The following SERPINA11 variants were observed in gnomAD, a reference collection of about 807,000 sequenced individuals.
The protein encoded by SERPINA11 is serpin A11.
In SERPINA11, 28 loss-of-function variants were observed where a neutral mutation model predicts 29.4. The observed-to-expected ratio is 0.95, with a 90% confidence interval of 0.70 to 1.30. The LOEUF is 1.30. Ranked by LOEUF, SERPINA11 falls within the 50% of genes most tolerant of loss-of-function variation. The pLI, the probability that SERPINA11 is intolerant of heterozygous loss-of-function variation, is 0.00. For synonymous variants in SERPINA11, 253 were observed against 206.6 expected, an observed-to-expected ratio of 1.22 and a Z score of -1.92; for missense variants, 530 against 507.3, an observed-to-expected ratio of 1.04 and a Z score of -0.43.
At position 94,449,481 on chromosome 14, in the gene SERPINA11, C is replaced by CTT. The variant is rs1566784762; in HGVS notation, c.-3-705_-3-704insAA. On this transcript the variant is annotated intron_variant, in intron 1 of 4. Transcript: ENST00000334708. ...TCTTTCTTTCTTTCTTTCTTTCTTT[C>CTT]TGTCTGTCTGTCTTTCTTTCTCTTT... is the stretch of plus-strand genomic sequence containing the variant. 8.4e-4 allele frequency among the ~76,000 whole-genome samples: 63 copies of CTT among 75,112 alleles called. 6 individuals carry two copies. The highest frequency in any genetic ancestry group is 6.5e-3 in the African/African-American group (57 of 8,710). 49.3% of individuals were successfully genotyped at this position (75,112 alleles called of 152,430 possible).
rs10133490 is a variant in SERPINA11, at chr14:94,449,568, C to T, written c.-3-791G>A. On this transcript the variant is annotated intron_variant, in intron 1 of 4. Transcript: ENST00000334708. ...CTCTTTCTCTTTCTTTCTTTCTTTC[C>T]TTCCTTCCTTCCTTCCTTCCCTCCT... Among the ~76,000 whole-genome samples the T allele has an allele frequency of 6.3e-3, 818 of 129,456 alleles. 10 individuals carry two copies. The highest frequency in any genetic ancestry group is 0.028 in the African/African-American group (786 of 28,114). 84.9% of individuals were successfully genotyped at this position (129,456 alleles called of 152,430 possible). A position where few individuals can be genotyped will look rare whatever the true frequency, so the allele number is the denominator to read the frequency against.
intron 1 of SERPINA11, among the ~76,000 whole-genome samples, chr14:94,451,696 G>C (rs1320371663): frequency 6.6e-6 from 1 of 152,182 alleles, no homozygotes; most frequent in Non-Finnish European, 1.5e-5. Flanking sequence ...AAAAGCAGCT[G>C]TCTGAAACTC....
chr14:94,443,050 C>A, intron 4 of SERPINA11, 28 bp downstream of exon 4: 1 of 1,591,868 alleles, frequency 6.3e-7, no homozygotes, highest in Non-Finnish European at 8.5e-7. Flanking sequence ...CCCCACCTGC[C>A]CACAAACATC....
chr14:94,449,404 CTATTCTTTCTTTCTTTCTTTCTT>C (rs1898522017), intron 1 of SERPINA11, among the ~76,000 whole-genome samples: 20 of 31,580 alleles, frequency 6.3e-4, no homozygotes, highest in African/African-American at 2.1e-3. Context: ...TTCTTTCTTT[CTATTCTTTCTTTCTTTCTTTCTT>C]TCTTTCTTTC....
intron 1 of SERPINA11, among the ~76,000 whole-genome samples, chr14:94,449,431 TTC>T (rs1189435644): frequency 1.0e-5 from 1 of 100,164 alleles, no homozygotes; most frequent in South Asian, 3.6e-4. Context: ...CTTTCTTTCT[TTC>T]TTTCTTTCTT....
rs1443978264 is a variant in SERPINA11 at position 94,446,458 on chromosome 14, G to C, written c.790C>G (p.Leu264Val). 6.2e-7 allele frequency: 1 copy of C among 1,614,188 alleles called. No individual in the cohort carries two copies. Among genetic ancestry groups the C allele is most frequent in the South Asian group, 1.1e-5 (1 of 91,080 alleles). ...LYDQDLACTV[L>V]QIEYRGNALA... is the part of the protein sequence containing the mutation. ...GCATTTCCTCTGTATTCTATCTGGA[G>C]GACGGTGCAAGCCAAATCCTGGTCA... Residue 264 changes from leucine (L) to valine (V), a missense_variant, in exon 3 of 5, where the codon CTC becomes GTC. Physicochemically the swap from Leu to Val is conservative, Grantham distance 32. Coordinates refer to ENST00000334708, the MANE Select transcript of SERPINA11 (RefSeq NM_001080451.2).
intron 1 of SERPINA11, among the ~76,000 whole-genome samples, chr14:94,451,766 C>T (rs530997301): frequency 2.0e-5 from 3 of 152,270 alleles, no homozygotes; most frequent in South Asian, 2.1e-4. Context: ...GGGGCCATTT[C>T]GGGATTATAT....
At chr14:94,450,577 C>T (rs1898569282) in intron 1 of SERPINA11, among the ~76,000 whole-genome samples, 1 of 152,236 alleles carries the variant, frequency 6.6e-6, no homozygotes, top group Non-Finnish European at 1.5e-5. Flanking sequence ...TGATCTTGGA[C>T]TTCTAACCTC....
chr14:94,449,543 C>CTTTCTTTTTCTTTCTT (rs1414335514), intron 1 of SERPINA11, among the ~76,000 whole-genome samples: 1 of 129,998 alleles, frequency 7.7e-6, no homozygotes, highest in African/African-American at 3.1e-5. Context: ...TTCTTTCTTT[C>CTTTCTTTTTCTTTCTT]TCTTTCTCTT....
At chr14:94,446,154 T>C (rs1388631639) in intron 3 of SERPINA11, among the ~76,000 whole-genome samples, 177 bp downstream of exon 3, 1 of 152,192 alleles carries the variant, frequency 6.6e-6, no homozygotes, top group Non-Finnish European at 1.5e-5. Context: ...ATCATGTTCT[T>C]AGTTTTACAG....
rs1339463665 is a variant in SERPINA11, at chr14:94,448,157, A to G, written c.618T>C (p.Val206=). The change falls in exon 2 of 5, where the codon GTT becomes GTC. Residue 206 remains valine (V), a synonymous_variant. Coordinates refer to ENST00000334708, the MANE Select transcript of SERPINA11 (RefSeq NM_001080451.2). ...LPEFSQDTFM[V]LANYIFFKAK... is the part of the protein sequence containing the mutation. The stretch of plus-strand genomic sequence containing the variant: ...CTTTGAAGAAGATGTAATTGGCAAG[A>G]ACCATGAACGTGTCCTGGCTGAACT... 7 of 1,613,844 alleles carry G rather than the reference A, an allele frequency of 4.3e-6. No individual in the cohort carries two copies. The highest frequency in any genetic ancestry group is 5.9e-6 in the Non-Finnish European group (7 of 1,179,856).
In SERPINA11 at chr14:94,449,471, TTCTTTCTTTCTG is replaced by T. The variant is rs1214059988; in HGVS notation, c.-3-706_-3-695del. The stretch of plus-strand genomic sequence containing the variant: ...TTTCTTTCTTTCTTTCTTTCTTTCT[TTCTTTCTTTCTG>T]TCTGTCTGTCTTTCTTTCTCTTTCT... On this transcript the variant is annotated intron_variant, in intron 1 of 4. Coordinates refer to ENST00000334708, the MANE Select transcript of SERPINA11 (RefSeq NM_001080451.2). Among the ~76,000 whole-genome samples the T allele has an allele frequency of 8.2e-3, 887 of 108,552 alleles. 53 individuals carry two copies. Among genetic ancestry groups the T allele is most frequent in the East Asian group, 0.061 (218 of 3,600 alleles). The allele number at this position is 108,552 out of a possible 152,430, so 71.2% of individuals were successfully genotyped here.
rs1233589419 is a variant in SERPINA11 at position 94,449,461 on chromosome 14, CTT to C, written c.-3-686_-3-685del. ...TCTTTCTTTCTTTCTTTCTTTCTTT[CTT>C]TCTTTCTTTCTTTCTTTCTGTCTGT... On this transcript the variant is annotated intron_variant, in intron 1 of 4. Transcript: ENST00000334708. Among the ~76,000 whole-genome samples the C allele has an allele frequency of 9.6e-4, 110 of 114,386 alleles. 9 individuals are homozygous for C. The highest frequency in any genetic ancestry group is 5.0e-3 in the African/African-American group (99 of 19,610). 75.0% of individuals were successfully genotyped at this position (114,386 alleles called of 152,430 possible).
intron 3 of SERPINA11, 47 bp downstream of exon 3, chr14:94,446,284 G>C: frequency 6.4e-7 from 1 of 1,557,280 alleles, no homozygotes; most frequent in South Asian, 1.2e-5. Context: ...AGACCTGCTG[G>C]GGTTCTTGAG....
intron 1 of SERPINA11, among the ~76,000 whole-genome samples, chr14:94,450,539 T>A (rs1485001429): frequency 6.6e-6 from 1 of 152,168 alleles, no homozygotes; most frequent in African/African-American, 2.4e-5. Flanking sequence ...CTTCACAGCC[T>A]CAGAAGGCAC....
At chr14:94,447,255 A>G (rs939988270) in intron 2 of SERPINA11, among the ~76,000 whole-genome samples, 1 of 152,234 alleles carries the variant, frequency 6.6e-6, no homozygotes, top group Non-Finnish European at 1.5e-5. Context: ...ACATTCACAC[A>G]TGTAGTATCT....
intron 2 of SERPINA11, 104 bp from the exon 3 acceptor site, chr14:94,446,708 G>A (rs2139776444): frequency 1.7e-6 from 2 of 1,175,332 alleles, no homozygotes; most frequent in Non-Finnish European, 2.4e-6. Context: ...CAAGTATGTG[G>A]CAAAAAATGT....
rs1898441034 is a variant in SERPINA11, at chr14:94,446,421, A to G, written c.827T>C (p.Leu276Pro). 6.2e-7 allele frequency: 1 copy of G among 1,614,056 alleles called. No individual in the cohort carries two copies. Among genetic ancestry groups the G allele is most frequent in the African/African-American group, 1.3e-5 (1 of 74,928 alleles). ...CATTTTCCCCGGGTCAGGGAGGACC[A>G]GCAGCGCCAAGGCATTTCCTCTGTA... ...IEYRGNALAL[L>P]VLPDPGKMKQ... is the part of the protein sequence containing the mutation. The change falls in exon 3 of 5, where the codon CTG becomes CCG. Residue 276 changes from leucine (L) to proline (P), a missense_variant. By Grantham distance (98) the Leu-to-Pro change is moderately conservative. Transcript: ENST00000334708.
chr14:94,446,720 G>T (rs1898446720), intron 2 of SERPINA11, 116 bp from the exon 3 acceptor site: 1 of 1,046,020 alleles, frequency 9.6e-7, no homozygotes, highest in East Asian at 2.4e-5. Flanking sequence ...AAAAAATGTG[G>T]AATGGTTACA....
Sources: allele counts gnomAD v4.1 joint callset (sites outside exome capture counted in the v4.1 genomes callset), GRCh38; gene constraint gnomAD v4.1.1; transcripts MANE v1.5; gene names NCBI Gene and HGNC (gene_info 2026-07-23, HGNC 2026-07-21).